FBXO10: variants seen among roughly 807,000 people sequenced by gnomAD.
FBXO10 encodes F-box protein 10, also known as F-box only protein 10.
Under a neutral mutation model 80.7 loss-of-function variants are expected in FBXO10, and 39 were observed. That is an observed-to-expected ratio of 0.48 (90% confidence interval 0.37 to 0.63). The LOEUF is 0.63. Ranked by LOEUF, FBXO10 falls within the 30% of genes least tolerant of loss-of-function variation. The probability of loss-of-function intolerance (pLI) is 0.00; values close to 1 mark genes in which losing one functional copy is unlikely to be tolerated. For missense variants in FBXO10, 1,025 were observed against 1,269.0 expected (o/e 0.81, Z 2.92); for synonymous variants, 449 against 489.6 (o/e 0.92, Z 1.09).
chr9:37,521,302 C>G lies in FBXO10; in HGVS notation c.2200+267G>C, dbSNP rs577191120. Among the ~76,000 whole-genome samples the G allele has an allele frequency of 6.1e-5, 9 of 148,364 alleles. No individual in the cohort carries two copies. In the East Asian group the frequency reaches 1.4e-3, roughly 23 times the overall value. On this transcript the variant is annotated intron_variant, in intron 8 of 10. Coordinates refer to ENST00000432825, the MANE Select transcript of FBXO10 (RefSeq NM_012166.3). ...GTGAGGAGCACCTCTCCCTGGCCCCCACGCTGTCTGGGAAGTGAGGAGCGC... is the reference window on the plus strand; with the variant it reads ...GTGAGGAGCACCTCTCCCTGGCCCCGACGCTGTCTGGGAAGTGAGGAGCGC...
intron 1 of FBXO10, among the ~76,000 whole-genome samples, chr9:37,544,964 A>G (rs1243585755): frequency 7.3e-6 from 1 of 136,470 alleles, no homozygotes; most frequent in Non-Finnish European, 1.5e-5. Flanking sequence ...ACTGCACTCC[A>G]GCCTGGGCGA....
At position 37,521,627 on chromosome 9, in the gene FBXO10, T is replaced by G. The variant is rs759453792; in HGVS notation, c.2142A>C (p.Pro714=). ...GAGCTATGGTGATGGGCCGGCGCAG[T>G]GGGTCGTCCTCCTTCTCCAGCTCTG... is the stretch of plus-strand genomic sequence containing the variant. ...WETELEKEDD[P]LRRPITIALV... The change falls in exon 8 of 11, where the codon CCA becomes CCC. Residue 714 remains proline (P), a synonymous_variant. Coordinates refer to ENST00000432825, the MANE Select transcript of FBXO10 (RefSeq NM_012166.3). 5.0e-6 allele frequency: 8 copies of G among 1,613,812 alleles called. No individual in the cohort carries two copies. The highest frequency in any genetic ancestry group is 1.3e-5 in the African/African-American group (1 of 74,894).
chr9:37,547,315 C>T (rs953534908), intron 1 of FBXO10, among the ~76,000 whole-genome samples: 17 of 152,106 alleles, frequency 1.1e-4, no homozygotes, highest in African/African-American at 2.7e-4. Flanking sequence ...TGGGGCTGGG[C>T]GCAGTGGCAG....
At position 37,576,362 on chromosome 9, in the gene FBXO10, G is replaced by T. The variant is rs1413731065; in HGVS notation, c.-158C>A. On this transcript the variant is annotated 5_prime_UTR_variant, in exon 1 of 11. Coordinates refer to ENST00000432825, the MANE Select transcript of FBXO10 (RefSeq NM_012166.3). ...GCGGACAGCTGCCTGGGGATCGTGCGGAGCCGCCGCCGTCATGTGACGCGC... is the reference window on the plus strand; with the variant it reads ...GCGGACAGCTGCCTGGGGATCGTGCTGAGCCGCCGCCGTCATGTGACGCGC... 3.3e-5 allele frequency: 5 copies of T among 152,122 alleles called. No homozygotes were observed. Among genetic ancestry groups the T allele is most frequent in the Non-Finnish European group, 7.4e-5 (5 of 68,010 alleles). The allele number at this position is 152,122 out of a possible 1,614,324, so 9.4% of individuals were successfully genotyped here.
rs1821043081 is a variant in FBXO10, at chr9:37,511,126, C to G, written c.*1421G>C. ...CTGGCTCCCTCTACCCCCTCCCATC[C>G]CACCCAACAGAGCAGCACCTAGGGC... On this transcript the variant is annotated 3_prime_UTR_variant, in exon 11 of 11. Coordinates refer to ENST00000432825, the MANE Select transcript of FBXO10 (RefSeq NM_012166.3). 1 of 152,646 alleles carries G rather than the reference C, an allele frequency of 6.6e-6. No homozygotes were observed. The highest frequency in any genetic ancestry group is 2.1e-4 in the South Asian group (1 of 4,828). 9.5% of individuals were successfully genotyped at this position (152,646 alleles called of 1,614,324 possible).
At chr9:37,523,072 A>T in intron 6 of FBXO10, 95 bp from the exon 7 acceptor site, 1 of 1,421,158 alleles carries the variant, frequency 7.0e-7, no homozygotes, top group Non-Finnish European at 9.6e-7. Context: ...GCTACTCCAG[A>T]CCAGAAGGCC....
chr9:37,526,247 T>C (rs995274097), intron 5 of FBXO10, among the ~76,000 whole-genome samples: 1 of 152,082 alleles, frequency 6.6e-6, no homozygotes, highest in African/African-American at 2.4e-5. Flanking sequence ...GAGAAACATA[T>C]ATAACATATA....
Position 37,537,175 on chromosome 9 carries a change from C to T in FBXO10, c.1354G>A (p.Ala452Thr), listed in dbSNP as rs760982329. The change falls in exon 3 of 11, where the codon GCC (alanine) becomes ACC (threonine). Residue 452 changes from alanine to threonine, a missense_variant. Physicochemically the swap from Ala to Thr is moderately conservative, Grantham distance 58. Around this residue, in one of 3 missense-constraint regions of FBXO10, gnomAD observed 478 missense variants for 667.8 expected, o/e 0.72. Transcript: ENST00000432825. ...GGVFVCSHGR[A>T]KMEGNIFRNL... The stretch of plus-strand genomic sequence containing the variant: ...CGGAAGATGTTTCCTTCCATCTTGG[C>T]TCTGCCGTGGGAGCAGACGAAGACG... 5 of 1,613,986 alleles carry T rather than the reference C, an allele frequency of 3.1e-6. No individual in the cohort carries two copies. The South Asian group carries it at 5.5e-5, about 18-fold the overall frequency.
At chr9:37,547,844 G>C (rs1028158978) in intron 1 of FBXO10, among the ~76,000 whole-genome samples, 1 of 152,070 alleles carries the variant, frequency 6.6e-6, no homozygotes, top group Non-Finnish European at 1.5e-5. Flanking sequence ...TGTAGTCCAA[G>C]CTACTCGGGA....
chr9:37,571,714 C>CATATATATATATATATATATATAT (rs71494672), intron 1 of FBXO10, among the ~76,000 whole-genome samples: 46 of 93,132 alleles, frequency 4.9e-4, no homozygotes, highest in Non-Finnish European at 6.6e-4. Context: ...AAAAGAGAGC[C>CATATATATATATATATATATATAT]ATATATATAT....
intron 1 of FBXO10, among the ~76,000 whole-genome samples, chr9:37,556,701 G>A (rs934556995): frequency 1.3e-5 from 2 of 151,844 alleles, no homozygotes; most frequent in East Asian, 1.9e-4. Context: ...GTGCCGCCAC[G>A]CCCGGCTAAT....
chr9:37,553,470 T>C (rs1354998601), intron 1 of FBXO10, among the ~76,000 whole-genome samples: 1 of 152,202 alleles, frequency 6.6e-6, no homozygotes, highest in Non-Finnish European at 1.5e-5. Flanking sequence ...TCCTCAGTCC[T>C]CCTGGCACAA....
At chr9:37,513,810 G>A (rs1271209046) in intron 10 of FBXO10, among the ~76,000 whole-genome samples, 3 of 151,962 alleles carry the variant, frequency 2.0e-5, no homozygotes, top group Non-Finnish European at 2.9e-5. Context: ...GGCTGGTCTC[G>A]AAATCCCGAC....
intron 3 of FBXO10, among the ~76,000 whole-genome samples, chr9:37,534,826 CTT>C (rs1821717772): frequency 6.6e-6 from 1 of 152,134 alleles, no homozygotes; most frequent in South Asian, 2.1e-4. Context: ...GGAAAACACT[CTT>C]ATCTCTGGGG....
At chr9:37,530,037 T>C (rs998174997) in intron 4 of FBXO10, among the ~76,000 whole-genome samples, 5 of 152,110 alleles carry the variant, frequency 3.3e-5, no homozygotes, top group African/African-American at 1.2e-4. Context: ...ATATAGTACA[T>C]TTGTGGAAAA....
chr9:37,562,025 A>T (rs894315015), intron 1 of FBXO10, among the ~76,000 whole-genome samples: 4 of 152,154 alleles, frequency 2.6e-5, no homozygotes, highest in Non-Finnish European at 4.4e-5. Context: ...TGTAAAGGGG[A>T]AAGTGGGAAC....
chr9:37,531,019 C>T (rs1397412738), intron 4 of FBXO10, among the ~76,000 whole-genome samples: 1 of 152,208 alleles, frequency 6.6e-6, no homozygotes. Context: ...GGATTCAAAT[C>T]CCAGCTCTGT....
At chr9:37,521,018 C>G (rs1315290994) in intron 8 of FBXO10, among the ~76,000 whole-genome samples, 2 of 152,148 alleles carry the variant, frequency 1.3e-5, no homozygotes, top group African/African-American at 4.8e-5. Context: ...GGGGGATATT[C>G]ACAACAGGTT....
At chr9:37,521,976 A>G in intron 7 of FBXO10, 138 bp from the exon 8 acceptor site, 2 of 905,736 alleles carry the variant, frequency 2.2e-6, no homozygotes, top group Non-Finnish European at 3.2e-6. Flanking sequence ...AAGCCACCTG[A>G]TGGCTCTAGC....
Sources: gnomAD v4.1 joint callset for allele counts (sites outside exome capture counted in the v4.1 genomes callset) on GRCh38, gnomAD v4.1.1 for gene constraint, gnomAD v4.1.1 regional missense constraint, MANE v1.5 for transcripts, NCBI Gene and HGNC (gene_info 2026-07-23, HGNC 2026-07-21) for gene names.